TCF4: variants seen among roughly 807,000 people sequenced by gnomAD.
TCF4 encodes SL3-3 enhancer factor 2.
Under a neutral mutation model 82.1 loss-of-function variants are expected in TCF4, and 3 were observed. The observed-to-expected ratio is 0.04, with a 90% CI of 0.02 to 0.09. TCF4 has a LOEUF of 0.09. TCF4 is among the 10% of genes least tolerant of loss of function. TCF4 has a pLI of 1.00. For missense variants in TCF4, 518 were observed against 852.7 expected (o/e 0.61, Z 4.89); for synonymous variants, 276 against 309.6 (o/e 0.89, Z 1.14).
At chr18:55,333,906 T>C (rs1288194946) in intron 8 of TCF4, among the ~76,000 whole-genome samples, 1 of 152,218 alleles carries the variant, frequency 6.6e-6, no homozygotes, top group Non-Finnish European at 1.5e-5. Flanking sequence ...AACTTTGCCC[T>C]GAGTTCACAA....
chr18:55,388,274 T>C (rs2092766683), intron 6 of TCF4, among the ~76,000 whole-genome samples: 1 of 152,018 alleles, frequency 6.6e-6, no homozygotes, highest in African/African-American at 2.4e-5. Flanking sequence ...GAATGAAACT[T>C]GGGGGATGAG....
chr18:55,351,160 T>A, intron 6 of TCF4, 157 bp from the exon 7 acceptor site: 1 of 843,324 alleles, frequency 1.2e-6, no homozygotes, highest in Non-Finnish European at 1.8e-6. Context: ...AGAAAGGCAG[T>A]CTAAGAAGCT....
chr18:55,466,511 T>A (rs2096023549), intron 3 of TCF4, among the ~76,000 whole-genome samples: 1 of 152,048 alleles, frequency 6.6e-6, no homozygotes, highest in Non-Finnish European at 1.5e-5. Context: ...AATATATATA[T>A]ATATTTTTGG....
intron 8 of TCF4, among the ~76,000 whole-genome samples, chr18:55,283,232 C>G (rs2062980425): frequency 6.7e-6 from 1 of 149,486 alleles, no homozygotes; most frequent in African/African-American, 2.5e-5. Flanking sequence ...TACTATGGTA[C>G]ATTAGCTGTT....
At chr18:55,431,195 C>T (rs192722350) in intron 5 of TCF4, among the ~76,000 whole-genome samples, 11 of 152,282 alleles carry the variant, frequency 7.2e-5, no homozygotes, top group Admixed American at 7.2e-4. Flanking sequence ...AGATCACCTA[C>T]CTCAAATCAA....
chr18:55,601,781 T>C (rs544860870), intron 2 of TCF4, among the ~76,000 whole-genome samples: 2 of 152,094 alleles, frequency 1.3e-5, no homozygotes, highest in Non-Finnish European at 2.9e-5. Flanking sequence ...TGAGACTCTG[T>C]CTTAAAAAAG....
At chr18:55,268,995 G>T (rs1377272789) in intron 11 of TCF4, 1 of 152,224 alleles carries the variant, frequency 6.6e-6, no homozygotes, top group Non-Finnish European at 1.5e-5. Flanking sequence ...GTCAAAGCTG[G>T]TTCAGAAGCA....
intron 3 of TCF4, among the ~76,000 whole-genome samples, chr18:55,514,221 T>A (rs1174759508): frequency 6.6e-6 from 1 of 152,086 alleles, no homozygotes; most frequent in East Asian, 1.9e-4. Flanking sequence ...ACACTGACAT[T>A]CTTCATACCT....
intron 3 of TCF4, among the ~76,000 whole-genome samples, chr18:55,569,933 C>A (rs2097446249): frequency 6.6e-6 from 1 of 152,086 alleles, no homozygotes; most frequent in Admixed American, 6.5e-5. Flanking sequence ...ACTCAGGCTC[C>A]ACAATAGCCC....
At chr18:55,481,484 T>C (rs894192207) in intron 3 of TCF4, among the ~76,000 whole-genome samples, 4 of 152,234 alleles carry the variant, frequency 2.6e-5, no homozygotes, top group South Asian at 2.1e-4. Flanking sequence ...CAATGGTAAC[T>C]GATTGGCAAG....
intron 6 of TCF4, among the ~76,000 whole-genome samples, chr18:55,367,534 T>C (rs2087548016): frequency 6.6e-6 from 1 of 152,204 alleles, no homozygotes; most frequent in Non-Finnish European, 1.5e-5. Context: ...GCCTATGATG[T>C]CTTTAGAGGA....
chr18:55,448,383 C>T lies in TCF4; in HGVS notation c.304+12636G>A, dbSNP rs539514736. Among the ~76,000 whole-genome samples the T allele has an allele frequency of 2.6e-5, 4 of 152,260 alleles. No individual in the cohort carries two copies. In the South Asian group the frequency reaches 8.3e-4, roughly 32 times the overall value. On this transcript the variant is annotated intron_variant, in intron 5 of 19. Transcript: ENST00000354452. Reference sequence around the variant, plus strand: ...GCCTACACCAATTATTAATTATCCGCCTAAATGTATACTACTTTACACATC... The same window carrying T: ...GCCTACACCAATTATTAATTATCCGTCTAAATGTATACTACTTTACACATC...
At chr18:55,607,583 CCT>C (rs1251184016) in intron 2 of TCF4, among the ~76,000 whole-genome samples, 1 of 152,140 alleles carries the variant, frequency 6.6e-6, no homozygotes, top group Non-Finnish European at 1.5e-5. Flanking sequence ...GAATTACATG[CCT>C]TGAGTCCTAG....
chr18:55,618,729 A>C (rs761682998), intron 2 of TCF4, among the ~76,000 whole-genome samples: 1 of 148,002 alleles, frequency 6.8e-6, no homozygotes, highest in African/African-American at 2.5e-5. Context: ...CCACAGGCAC[A>C]TGACACCATG....
At chr18:55,364,797 G>C (rs2086417261) in intron 6 of TCF4, among the ~76,000 whole-genome samples, 1 of 152,114 alleles carries the variant, frequency 6.6e-6, no homozygotes, top group South Asian at 2.1e-4. Context: ...TTTTAAAAAT[G>C]TATAAGCTAA....
chr18:55,343,046 C>T (rs575322119), intron 8 of TCF4, among the ~76,000 whole-genome samples: 1 of 152,058 alleles, frequency 6.6e-6, no homozygotes, highest in Non-Finnish European at 1.5e-5. Flanking sequence ...TTCTCAGATG[C>T]CATCAAAATA....
intron 3 of TCF4, among the ~76,000 whole-genome samples, chr18:55,543,653 G>A (rs983883663): frequency 6.6e-6 from 1 of 151,980 alleles, no homozygotes; most frequent in Non-Finnish European, 1.5e-5. Flanking sequence ...TTTCAGTCAA[G>A]GTGTAACTGT....
intron 3 of TCF4, among the ~76,000 whole-genome samples, chr18:55,562,803 T>C (rs1568406508): frequency 1.3e-5 from 2 of 152,210 alleles, no homozygotes; most frequent in South Asian, 4.1e-4. Context: ...ATAATATCTA[T>C]AAGTCCAGGC....
chr18:55,420,675 G>A (rs1329395437), intron 5 of TCF4, among the ~76,000 whole-genome samples: 1 of 152,138 alleles, frequency 6.6e-6, no homozygotes, highest in Non-Finnish European at 1.5e-5. Flanking sequence ...CCAGTGGAAC[G>A]TTCAGCGTTA....
Sources: allele counts gnomAD v4.1 joint callset (sites outside exome capture counted in the v4.1 genomes callset), GRCh38; gene constraint gnomAD v4.1.1; transcripts MANE v1.5; gene names NCBI Gene and HGNC (gene_info 2026-07-23, HGNC 2026-07-21).